Variants in FGFR2 observed in about 807,000 individuals in gnomAD.
FGFR2 encodes the protein BEK fibroblast growth factor receptor.
Under a neutral mutation model 95.9 loss-of-function variants are expected in FGFR2, and 19 were observed. The ratio of observed to expected loss-of-function variants is 0.20; its 90% confidence interval spans 0.14 to 0.29. The LOEUF is 0.29. Ranked by LOEUF, FGFR2 falls within the 10% of genes least tolerant of loss-of-function variation. FGFR2 has a pLI of 1.00. For synonymous variants in FGFR2, 392 were observed against 393.3 expected (o/e 1.00, Z 0.04); for missense variants, 707 against 1,056.9 (o/e 0.67, Z 4.59).
chr10:121,519,727 T>C (rs138649930), intron 7 of FGFR2, among the ~76,000 whole-genome samples: 1 of 152,240 alleles, frequency 6.6e-6, no homozygotes, highest in Non-Finnish European at 1.5e-5. Context: ...GGCTGATAAA[T>C]AGCTGAACTA....
Position 121,593,769 on chromosome 10 carries a change from T to C in FGFR2, c.49A>G (p.Thr17Ala), listed in dbSNP as rs1417346628. 1.2e-6 allele frequency: 2 copies of C among 1,614,042 alleles called. No homozygotes were observed. The highest frequency in any genetic ancestry group is 1.7e-5 in the Admixed American group (1 of 59,998). The part of the protein sequence containing the change: ...FICLVVVTMA[T>A]LSLARPSFSL... ...AAGGAGGGCCGGGCCAGGGACAAGG[T>C]TGCCATGGTGACCACGACCAGGCAG... Residue 17 changes from threonine (T) to alanine (A), a missense_variant, in exon 2 of 18, where the codon ACC (threonine) becomes GCC (alanine). Thr to Ala is a moderately conservative substitution (Grantham distance 58). Around this residue, in one of 7 missense-constraint regions of FGFR2, gnomAD observed 178 missense variants for 194.1 expected, o/e 0.92. Transcript: ENST00000358487.
intron 2 of FGFR2, among the ~76,000 whole-genome samples, chr10:121,586,226 C>T (rs946147859): frequency 2.0e-5 from 3 of 152,132 alleles, no homozygotes; most frequent in African/African-American, 4.8e-5. Context: ...AGTTTATTAA[C>T]GTTAGAGCTC....
intron 1 of FGFR2, among the ~76,000 whole-genome samples, chr10:121,596,805 T>A (rs1390176319): frequency 6.6e-6 from 1 of 151,768 alleles, no homozygotes; most frequent in African/African-American, 2.4e-5. Context: ...ATCCTGTTTT[T>A]CTCCCCCTTC....
chr10:121,516,651 C>T (rs897023275), intron 8 of FGFR2, among the ~76,000 whole-genome samples: 1 of 152,134 alleles, frequency 6.6e-6, no homozygotes, highest in South Asian at 2.1e-4. Flanking sequence ...ATAGAGATGT[C>T]GGTTAAAGAT....
At chr10:121,521,757 G>C (rs1476450846) in intron 6 of FGFR2, among the ~76,000 whole-genome samples, 1 of 152,042 alleles carries the variant, frequency 6.6e-6, no homozygotes, top group Non-Finnish European at 1.5e-5. Flanking sequence ...CAATATGGAG[G>C]TTCCTCAAAA....
chr10:121,553,918 G>A (rs376560379), intron 4 of FGFR2, among the ~76,000 whole-genome samples: 11 of 152,166 alleles, frequency 7.2e-5, no homozygotes, highest in South Asian at 4.1e-4. Flanking sequence ...CCCAGACCAC[G>A]CGCACCTATG....
intron 6 of FGFR2, among the ~76,000 whole-genome samples, chr10:121,523,024 G>C (rs1850780941): frequency 6.6e-6 from 1 of 152,216 alleles, no homozygotes; most frequent in Non-Finnish European, 1.5e-5. Flanking sequence ...TGTTGGACAA[G>C]AGCCAGACCA....
intron 6 of FGFR2, among the ~76,000 whole-genome samples, chr10:121,529,224 T>C (rs531848998): frequency 3.1e-4 from 47 of 152,338 alleles, no homozygotes; most frequent in Non-Finnish European, 6.0e-4. Context: ...TTCTCCTGCC[T>C]CAGCCTCCCG....
chr10:121,502,329 C>T (rs191506672), intron 10 of FGFR2, among the ~76,000 whole-genome samples: 4 of 152,136 alleles, frequency 2.6e-5, no homozygotes, highest in Non-Finnish European at 5.9e-5. Context: ...TCTCTGGTGC[C>T]CCACCAGTAA....
chr10:121,522,036 G>A (rs1850626370), intron 6 of FGFR2, among the ~76,000 whole-genome samples: 1 of 152,202 alleles, frequency 6.6e-6, no homozygotes, highest in African/African-American at 2.4e-5. Context: ...GATAGTCACA[G>A]AAAGACAGAC....
At chr10:121,488,588 G>C (rs1845739683) in intron 13 of FGFR2, among the ~76,000 whole-genome samples, 1 of 151,724 alleles carries the variant, frequency 6.6e-6, no homozygotes, top group South Asian at 2.1e-4. Context: ...ACGCAGTGTG[G>C]CTCTAAGATT....
chr10:121,524,689 C>T (rs1005771922), intron 6 of FGFR2, among the ~76,000 whole-genome samples: 6 of 152,288 alleles, frequency 3.9e-5, no homozygotes, highest in Non-Finnish European at 5.9e-5. Flanking sequence ...TCTGAAAAAC[C>T]GAGGTGATGG....
chr10:121,524,146 A>ACACACACACACCCCC (rs142755962), intron 6 of FGFR2, among the ~76,000 whole-genome samples: 20 of 136,884 alleles, frequency 1.5e-4, no homozygotes, highest in Middle Eastern at 3.5e-3. Flanking sequence ...ACACACACAC[A>ACACACACACACCCCC]CCCCAAGTTT....
At chr10:121,524,146 A>ACACACACACACCCCCCC (rs142755962) in intron 6 of FGFR2, among the ~76,000 whole-genome samples, 9 of 136,962 alleles carry the variant, frequency 6.6e-5, no homozygotes, top group Non-Finnish European at 1.4e-4. Flanking sequence ...ACACACACAC[A>ACACACACACACCCCCCC]CCCCAAGTTT....
chr10:121,557,410 G>T (rs1856310100), intron 4 of FGFR2, among the ~76,000 whole-genome samples: 2 of 152,124 alleles, frequency 1.3e-5, no homozygotes, highest in Non-Finnish European at 2.9e-5. Flanking sequence ...CTGGGCTCAG[G>T]TGATCCTCCC....
chr10:121,538,088 T>C (rs1169680606), intron 6 of FGFR2: 6 of 528,046 alleles, frequency 1.1e-5, no homozygotes, highest in Admixed American at 6.9e-5. Context: ...AGACACTGAA[T>C]TGGTACCGTC....
intron 2 of FGFR2, among the ~76,000 whole-genome samples, chr10:121,584,393 C>G (rs1458669758): frequency 9.5e-6 from 1 of 104,896 alleles, no homozygotes; most frequent in South Asian, 3.5e-4. Context: ...CCCACCCCAA[C>G]CTATCCCATA....
chr10:121,583,973 T>C (rs1861369094), intron 2 of FGFR2, among the ~76,000 whole-genome samples: 1 of 152,016 alleles, frequency 6.6e-6, no homozygotes, highest in Non-Finnish European at 1.5e-5. Flanking sequence ...TTAAAGTACC[T>C]AGCACAGAGT....
chr10:121,596,059 T>A (rs1209172918), intron 1 of FGFR2, among the ~76,000 whole-genome samples: 1 of 152,268 alleles, frequency 6.6e-6, no homozygotes, highest in Non-Finnish European at 1.5e-5. Context: ...AGGCCCAGCA[T>A]GCCGCTGGCG....
Sources: gnomAD v4.1 joint callset for allele counts (sites outside exome capture counted in the v4.1 genomes callset) on GRCh38, gnomAD v4.1.1 for gene constraint, gnomAD v4.1.1 regional missense constraint, MANE v1.5 for transcripts, NCBI Gene and HGNC (gene_info 2026-07-23, HGNC 2026-07-21) for gene names.